ARHGEF28: variants seen among roughly 807,000 people sequenced by gnomAD.
ARHGEF28 encodes the protein 190 kDa guanine nucleotide exchange factor.
In ARHGEF28, 152 loss-of-function variants were observed where a neutral mutation model predicts 206.6. The ratio of observed to expected loss-of-function variants is 0.74; its 90% CI spans 0.64 to 0.84. ARHGEF28 has a LOEUF of 0.84. Among genes scored for constraint, ARHGEF28 ranks in the 40% least tolerant of loss-of-function variants. ARHGEF28 has a pLI of 0.00. For synonymous variants in ARHGEF28, 763 were observed against 776.4 expected, an observed-to-expected ratio of 0.98 and a Z score of 0.29; for missense variants, 2,028 against 2,073.2, an observed-to-expected ratio of 0.98 and a Z score of 0.42.
intron 2 of ARHGEF28, among the ~76,000 whole-genome samples, chr5:73,742,683 G>C (rs937086716): frequency 4.0e-5 from 6 of 150,810 alleles, no homozygotes; most frequent in African/African-American, 9.7e-5. Flanking sequence ...ACTTAGCCGG[G>C]CGCGGTGGCG....
Position 73,642,623 on chromosome 5 carries a change from C to T in ARHGEF28, c.-12+16301C>T, listed in dbSNP as rs116427579. Among the ~76,000 whole-genome samples the T allele has an allele frequency of 5.3e-3, 799 of 152,118 alleles. 3 individuals are homozygous for T. The highest frequency in any genetic ancestry group is 0.018 in the African/African-American group (748 of 41,506). On this transcript the variant is annotated intron_variant, in intron 1 of 35. Coordinates refer to ENST00000513042, the MANE Select transcript of ARHGEF28 (RefSeq NM_001177693.2). Reference sequence around the variant, plus strand: ...TTTTTTTTTTTGTTCTGTTCTACCACACTGAGCTTGTTCTTTATCGGCCTT... The same window carrying T: ...TTTTTTTTTTTGTTCTGTTCTACCATACTGAGCTTGTTCTTTATCGGCCTT...
chr5:73,834,409 A>C (rs1046990849), intron 10 of ARHGEF28, among the ~76,000 whole-genome samples: 1 of 152,080 alleles, frequency 6.6e-6, no homozygotes, highest in African/African-American at 2.4e-5. Context: ...TTTACATTCC[A>C]CATATAAGTC....
Position 73,773,860 on chromosome 5 carries a change from T to C in ARHGEF28, c.481T>C (p.Ser161Pro). ...VLGSSSLEVS[S>P]HRESLLHLAM... Reference sequence around the variant, plus strand: ...ATGTGTTTTTTCCTCTTCAGTATCTTCTCACAGAGAATCTCTTCTACACCT... The same window carrying C: ...ATGTGTTTTTTCCTCTTCAGTATCTCCTCACAGAGAATCTCTTCTACACCT... The change falls in exon 5 of 36, where the codon TCT (serine) becomes CCT (proline). Residue 161 changes from serine (S) to proline (P), a missense_variant. Coordinates refer to ENST00000513042, the MANE Select transcript of ARHGEF28 (RefSeq NM_001177693.2). 6.3e-7 allele frequency: 1 copy of C among 1,597,906 alleles called. No homozygotes were observed. The highest frequency in any genetic ancestry group is 8.5e-7 in the Non-Finnish European group (1 of 1,172,644).
At chr5:73,863,811 G>A (rs1759542234) in intron 16 of ARHGEF28, among the ~76,000 whole-genome samples, 1 of 151,950 alleles carries the variant, frequency 6.6e-6, no homozygotes, top group Non-Finnish European at 1.5e-5. Flanking sequence ...AGGGCTGTCT[G>A]AATCTGATGC....
rs138217794 is a variant in ARHGEF28, at chr5:73,650,277, CT to C, written c.-12+23981del. Among the ~76,000 whole-genome samples, 440 of 94,002 alleles carry C rather than the reference CT, an allele frequency of 4.7e-3. 1 individual carries two copies. The highest frequency in any genetic ancestry group is 0.018 in the African/African-American group (400 of 22,654). 61.7% of individuals were successfully genotyped at this position (94,002 alleles called of 152,430 possible). ...CACCTGAGAGATGTTTTCTTTCTTT[CT>C]TTTTTTTTTTTTTTTTTTTTTTTTT... On this transcript the variant is annotated intron_variant, in intron 1 of 35. Transcript: ENST00000513042.
chr5:73,745,880 A>C (rs768534675), intron 2 of ARHGEF28, among the ~76,000 whole-genome samples: 1 of 152,132 alleles, frequency 6.6e-6, no homozygotes, highest in Non-Finnish European at 1.5e-5. Flanking sequence ...AAGAGGGAAG[A>C]CTAAATTTAT....
chr5:73,794,226 G>T, intron 7 of ARHGEF28, 176 bp from the exon 8 acceptor site: 2 of 528,734 alleles, frequency 3.8e-6, no homozygotes, highest in Non-Finnish European at 6.6e-6. Context: ...AGTATGGACA[G>T]TCGGGTTATT....
intron 9 of ARHGEF28, among the ~76,000 whole-genome samples, chr5:73,808,240 A>T (rs1003485516): frequency 6.6e-6 from 1 of 152,130 alleles, no homozygotes; most frequent in African/African-American, 2.4e-5. Context: ...TGTAAAAAAT[A>T]AAAAGTGCTG....
rs776669005 is a variant in ARHGEF28 at position 73,870,064 on chromosome 5, A to G, written c.2426-5A>G. On this transcript the variant is annotated splice_region_variant and splice_polypyrimidine_tract_variant and intron_variant, in intron 20 of 35. Coordinates refer to ENST00000513042, the MANE Select transcript of ARHGEF28 (RefSeq NM_001177693.2). ...TCTGGCTTTTCTTTTCTAAACACACATTAGATGTTGTGGATTCTTCTCTGT... is the reference window on the plus strand; with the variant it reads ...TCTGGCTTTTCTTTTCTAAACACACGTTAGATGTTGTGGATTCTTCTCTGT... 3.7e-6 allele frequency: 6 copies of G among 1,611,308 alleles called. No individual in the cohort carries two copies. In the African/African-American group the frequency reaches 6.7e-5, roughly 18 times the overall value.
In ARHGEF28 at chr5:73,893,278, G is replaced by A; in HGVS notation, c.3648G>A (p.Gln1216=). ...RKAEARVAKI[Q]QCQEILTNQD... The stretch of plus-strand genomic sequence containing the variant: ...CTGAAGCCAGAGTGGCCAAAATTCA[G>A]CAATGTCAAGGTACAGTGCAGGCAC... Residue 1216 remains glutamine (Q), a synonymous_variant, in exon 28 of 36, where the codon CAG becomes CAA. Transcript: ENST00000513042. The A allele has an allele frequency of 6.4e-7, 1 of 1,553,334 alleles. No individual in the cohort carries two copies. Among genetic ancestry groups the A allele is most frequent in the Non-Finnish European group, 8.7e-7 (1 of 1,148,604 alleles).
chr5:73,918,766 A>G (rs1438626478), intron 35 of ARHGEF28, among the ~76,000 whole-genome samples: 1 of 152,176 alleles, frequency 6.6e-6, no homozygotes, highest in East Asian at 1.9e-4. Context: ...AGTAAGATAC[A>G]TGGATAGGAA....
intron 35 of ARHGEF28, among the ~76,000 whole-genome samples, chr5:73,930,089 C>A (rs1372801855): frequency 2.0e-5 from 3 of 152,138 alleles, no homozygotes; most frequent in Non-Finnish European, 2.9e-5. Flanking sequence ...TCTTTTTATG[C>A]ACATCTCCTT....
rs185173491 is a variant in ARHGEF28 at position 73,884,915 on chromosome 5, C to T, written c.3056-935C>T. Among the ~76,000 whole-genome samples the T allele has an allele frequency of 2.3e-3, 351 of 152,152 alleles. 1 individual carries two copies. Among genetic ancestry groups the T allele is most frequent in the African/African-American group, 8.2e-3 (340 of 41,506 alleles). ...TTGGTATGAGCATGGCTGATTTGTC[C>T]GTTAGCACAGCACTTGGGTACCATG... On this transcript the variant is annotated intron_variant, in intron 24 of 35. Coordinates refer to ENST00000513042, the MANE Select transcript of ARHGEF28 (RefSeq NM_001177693.2).
In ARHGEF28 at chr5:73,806,821, A is replaced by ACGATATATCGTATATATGGTATATAT. The variant is rs1561417978; in HGVS notation, c.1024+11439_1024+11464dup. On this transcript the variant is annotated intron_variant, in intron 9 of 35. Coordinates refer to ENST00000513042, the MANE Select transcript of ARHGEF28 (RefSeq NM_001177693.2). ...GTATACATCTATATGTGCCATATAT[A>ACGATATATCGTATATATGGTATATAT]CGATATATCGTATATATGGTATATA... is the stretch of plus-strand genomic sequence containing the variant. 2.0e-4 allele frequency among the ~76,000 whole-genome samples: 26 copies of ACGATATATCGTATATATGGTATATAT among 132,408 alleles called. 3 individuals carry two copies. Among genetic ancestry groups the ACGATATATCGTATATATGGTATATAT allele is most frequent in the African/African-American group, 7.5e-4 (25 of 33,356 alleles). 86.9% of individuals were successfully genotyped at this position (132,408 alleles called of 152,430 possible).
At chr5:73,904,603 ATTC>A (rs1343819664) in intron 33 of ARHGEF28, 198 bp downstream of exon 33, 18 of 574,924 alleles carry the variant, frequency 3.1e-5, no homozygotes, top group African/African-American at 2.2e-4. Context: ...ATTTTATACC[ATTC>A]TTCTCTGAAA....
intron 1 of ARHGEF28, among the ~76,000 whole-genome samples, chr5:73,673,219 C>G (rs1437128019): frequency 6.6e-6 from 1 of 152,174 alleles, no homozygotes; most frequent in Non-Finnish European, 1.5e-5. Context: ...GGCCTTATCT[C>G]CCAGCTGTTT....
intron 9 of ARHGEF28, among the ~76,000 whole-genome samples, chr5:73,809,590 A>G (rs1173250270): frequency 5.9e-5 from 9 of 152,244 alleles, no homozygotes; most frequent in Non-Finnish European, 2.9e-5. Flanking sequence ...AAAACTGTGC[A>G]AATACTGTAA....
chr5:73,758,934 T>G lies in ARHGEF28; in HGVS notation c.475+5732T>G, dbSNP rs138750523. 4.8e-3 allele frequency among the ~76,000 whole-genome samples: 733 copies of G among 152,366 alleles called. 6 individuals carry two copies. The highest frequency in any genetic ancestry group is 0.017 in the African/African-American group (693 of 41,576). The stretch of plus-strand genomic sequence containing the variant: ...GATTGCTTCGTCAGGTTTAAAGAGT[T>G]AAGCTTTTCTCCTGCCTTTGTGATT... On this transcript the variant is annotated intron_variant, in intron 4 of 35. Transcript: ENST00000513042.
chr5:73,776,472 G>A (rs553320007), intron 5 of ARHGEF28, 44 bp from the exon 6 acceptor site: 6 of 1,538,374 alleles, frequency 3.9e-6, no homozygotes, highest in Middle Eastern at 1.7e-4. Context: ...CCTGGGGCTG[G>A]TGTCTTTGAA....
Sources: gnomAD v4.1 joint callset for allele counts (sites outside exome capture counted in the v4.1 genomes callset) on GRCh38, gnomAD v4.1.1 for gene constraint, MANE v1.5 for transcripts, NCBI Gene and HGNC (gene_info 2026-07-23, HGNC 2026-07-21) for gene names.